BICRA: variants seen among roughly 807,000 people sequenced by gnomAD.
BICRA encodes BRD4-interacting chromatin-remodeling complex-associated protein.
BICRA carries 31 observed loss-of-function variants against 96.9 expected under a neutral mutation model. The observed-to-expected ratio is 0.32, with a 90% CI of 0.24 to 0.43. The LOEUF (loss-of-function observed/expected upper bound fraction) is 0.43, where lower values mean the gene tolerates loss of function less well. Ranked by LOEUF, BICRA falls within the 20% of genes least tolerant of loss-of-function variation. The pLI, the probability that BICRA is intolerant of heterozygous loss-of-function variation, is 1.00. For missense variants in BICRA, 2,283 were observed against 2,190.3 expected (o/e 1.04, Z -0.84); for synonymous variants, 1,350 against 1,071.8 (o/e 1.26, Z -5.07).
Position 47,682,156 on chromosome 19 carries a change from G to A in BICRA, c.2283+4G>A. The A allele has an allele frequency of 7.2e-7, 1 of 1,383,692 alleles. No homozygotes were observed. The highest frequency in any genetic ancestry group is 9.9e-7 in the Non-Finnish European group (1 of 1,012,216). 85.7% of individuals were successfully genotyped at this position (1,383,692 alleles called of 1,614,324 possible). A position where few individuals can be genotyped will look rare whatever the true frequency, so the allele number is the denominator to read the frequency against. On this transcript the variant is annotated splice_donor_region_variant and intron_variant, in intron 7 of 14. Coordinates refer to ENST00000594866, the MANE Select transcript of BICRA (RefSeq NM_001394372.1). ...TTCCCCGGCTCCGGCCCCCCAGGTAGAGGGACCCCAGCAGCCTGTGTCCGC... is the reference window on the plus strand; with the variant it reads ...TTCCCCGGCTCCGGCCCCCCAGGTAAAGGGACCCCAGCAGCCTGTGTCCGC...
In BICRA at chr19:47,675,336, C is replaced by T. The variant is rs1972924289; in HGVS notation, c.85-515C>T. The stretch of plus-strand genomic sequence containing the variant: ...CTGGGCACATATGTGGATGCCAGGG[C>T]CTGTTCTGGGCACTAAGGATGGTGC... On this transcript the variant is annotated intron_variant, in intron 4 of 14. Coordinates refer to ENST00000594866, the MANE Select transcript of BICRA (RefSeq NM_001394372.1). The surrounding 1 kb of genome is among the most constrained non-coding windows in gnomAD (Gnocchi z 4.7). Among the ~76,000 whole-genome samples, 1 of 152,182 alleles carries T rather than the reference C, an allele frequency of 6.6e-6. No homozygotes were observed. The highest frequency in any genetic ancestry group is 6.5e-5 in the Admixed American group (1 of 15,270).
At chr19:47,624,037 G>A (rs1325804648) in intron 1 of BICRA, among the ~76,000 whole-genome samples, 6 of 152,058 alleles carry the variant, frequency 3.9e-5, no homozygotes, top group East Asian at 1.9e-4. Flanking sequence ...TTTTAGTAGC[G>A]TCGGGGTTTC....
In BICRA at chr19:47,674,285, G is replaced by A. The variant is rs1372091922; in HGVS notation, c.84+523G>A. 4.0e-5 allele frequency among the ~76,000 whole-genome samples: 4 copies of A among 100,598 alleles called. No homozygotes were observed. In the East Asian group the frequency reaches 1.6e-3, roughly 40 times the overall value. 66.0% of individuals were successfully genotyped at this position (100,598 alleles called of 152,430 possible). A position where few individuals can be genotyped will look rare whatever the true frequency, so the allele number is the denominator to read the frequency against. On this transcript the variant is annotated intron_variant, in intron 4 of 14. Coordinates refer to ENST00000594866, the MANE Select transcript of BICRA (RefSeq NM_001394372.1). Reference sequence around the variant, plus strand: ...ACTGAAGGGAAAACTAGTAGGAGGTGAGACTGTAGTAGGTAAAAGTCACCA... The same window carrying A: ...ACTGAAGGGAAAACTAGTAGGAGGTAAGACTGTAGTAGGTAAAAGTCACCA...
rs778702110 is a variant in BICRA, at chr19:47,694,739, A to G, written c.2895+13A>G. ...GAGATTTCACCAGGTAACGGGAGGCAGGGACTGCCCGCCCCATCAGCCCCA... is the reference window on the plus strand; with the variant it reads ...GAGATTTCACCAGGTAACGGGAGGCGGGGACTGCCCGCCCCATCAGCCCCA... On this transcript the variant is annotated intron_variant, in intron 8 of 14. Transcript: ENST00000594866. 3 of 1,337,390 alleles carry G rather than the reference A, an allele frequency of 2.2e-6. No individual in the cohort carries two copies. The highest frequency in any genetic ancestry group is 2.1e-6 in the Non-Finnish European group (2 of 954,726). The allele number at this position is 1,337,390 out of a possible 1,614,324, so 82.8% of individuals were successfully genotyped here.
At chr19:47,623,730 C>T (rs867997107) in intron 1 of BICRA, among the ~76,000 whole-genome samples, 10 of 151,914 alleles carry the variant, frequency 6.6e-5, no homozygotes, top group Non-Finnish European at 1.3e-4. Flanking sequence ...GAGGAGGGAG[C>T]TTCTAGGGCA....
rs776439909 is a variant in BICRA, at chr19:47,680,754, C to T, written c.1584C>T (p.Pro528=). The T allele has an allele frequency of 5.5e-5, 88 of 1,608,934 alleles. No individual in the cohort carries two copies. Among genetic ancestry groups the T allele is most frequent in the Non-Finnish European group, 5.7e-5 (67 of 1,178,342 alleles). ...QNLAGPLSLG[P]VLAPHSGAHS... is the part of the protein sequence containing the mutation. ...TGGCGGGCCCACTGAGCCTGGGCCCCGTGTTGGCCCCCCACTCCGGGGCCC... is the reference window on the plus strand; with the variant it reads ...TGGCGGGCCCACTGAGCCTGGGCCCTGTGTTGGCCCCCCACTCCGGGGCCC... Residue 528 remains proline (P), a synonymous_variant, in exon 6 of 15, where the codon CCC becomes CCT. Transcript: ENST00000594866.
chr19:47,638,463 C>T (rs1176925021), intron 1 of BICRA, among the ~76,000 whole-genome samples: 2 of 152,086 alleles, frequency 1.3e-5, no homozygotes, highest in African/African-American at 2.4e-5. Context: ...TGACAAGTCT[C>T]CTCCCTCCCC....
intron 1 of BICRA, among the ~76,000 whole-genome samples, chr19:47,630,021 A>G (rs1972198093): frequency 6.6e-6 from 1 of 152,016 alleles, no homozygotes; most frequent in South Asian, 2.1e-4. Flanking sequence ...AATATTGTGT[A>G]ACTGTCACCA....
intron 1 of BICRA, among the ~76,000 whole-genome samples, chr19:47,609,644 G>A (rs974215859): frequency 6.6e-6 from 1 of 150,416 alleles, no homozygotes; most frequent in Non-Finnish European, 1.5e-5. Flanking sequence ...CCCTCGCCCC[G>A]CTCCCCGCCT....
At position 47,702,725 on chromosome 19, in the gene BICRA, G is replaced by A. The variant is rs1263279594; in HGVS notation, c.*310G>A. The A allele has an allele frequency of 5.0e-6, 2 of 401,616 alleles. No individual in the cohort carries two copies. The highest frequency in any genetic ancestry group is 2.1e-5 in the African/African-American group (1 of 46,794). The allele number at this position is 401,616 out of a possible 1,614,324, so 24.9% of individuals were successfully genotyped here. A position where few individuals can be genotyped will look rare whatever the true frequency, so the allele number is the denominator to read the frequency against. On this transcript the variant is annotated 3_prime_UTR_variant, in exon 15 of 15. Transcript: ENST00000594866. Reference sequence around the variant, plus strand: ...CTGCCCCTCTGTCCGGGGGACACGCGCATGTGTTTGCCAGGGATGGGGCCA... The same window carrying A: ...CTGCCCCTCTGTCCGGGGGACACGCACATGTGTTTGCCAGGGATGGGGCCA...
chr19:47,629,950 G>A (rs1336995395), intron 1 of BICRA, among the ~76,000 whole-genome samples: 1 of 151,870 alleles, frequency 6.6e-6, no homozygotes, highest in Admixed American at 6.6e-5. Flanking sequence ...CATGAGCCAC[G>A]GCGCCCGGCC....
intron 1 of BICRA, among the ~76,000 whole-genome samples, chr19:47,657,743 T>TC (rs1305941480): frequency 2.0e-5 from 3 of 152,136 alleles, no homozygotes; most frequent in African/African-American, 7.2e-5. Flanking sequence ...ACTTTTCACC[T>TC]CCCTTGAGTA....
chr19:47,637,070 A>C (rs1972310469), intron 1 of BICRA, among the ~76,000 whole-genome samples: 1 of 152,030 alleles, frequency 6.6e-6, no homozygotes, highest in Non-Finnish European at 1.5e-5. Context: ...TCTTCATAGC[A>C]CTTCATTTTT....
Position 47,699,379 on chromosome 19 carries a change from A to G in BICRA, c.3569A>G (p.Asp1190Gly), listed in dbSNP as rs1481476031. The G allele has an allele frequency of 3.2e-6, 5 of 1,564,494 alleles. No individual in the cohort carries two copies. Among genetic ancestry groups the G allele is most frequent in the Non-Finnish European group, 4.3e-6 (5 of 1,154,214 alleles). ...IQEEKTTLALDKQLAKEKPDE... is the reference protein window; with the variant it reads ...IQEEKTTLALGKQLAKEKPDE... ...GAGGAGAAGACCACCCTTGCCTTGG[A>G]TAAACAGCTGGCCAAGGAGAAGCCG... Residue 1190 changes from aspartate (D) to glycine (G), a missense_variant, in exon 14 of 15, where the codon GAT becomes GGT. Asp to Gly is a moderately conservative substitution (Grantham distance 94). Transcript: ENST00000594866. The surrounding 1 kb of genome is among the most constrained non-coding windows in gnomAD (Gnocchi z 5.0).
At chr19:47,686,103 G>T (rs921872757) in intron 7 of BICRA, among the ~76,000 whole-genome samples, 1 of 151,834 alleles carries the variant, frequency 6.6e-6, no homozygotes, top group Non-Finnish European at 1.5e-5. Context: ...GCTAATATTT[G>T]TATTTTTAGT....
intron 7 of BICRA, among the ~76,000 whole-genome samples, chr19:47,687,821 CA>C (rs5828311): frequency 5.6e-4 from 69 of 123,554 alleles, no homozygotes; most frequent in African/African-American, 1.1e-3. Context: ...GACTCTGCCT[CA>C]AAAAAAAAAA....
chr19:47,698,597 CT>C lies in BICRA; in HGVS notation c.3249-36del. 2 of 988,396 alleles carry C rather than the reference CT, an allele frequency of 2.0e-6. No homozygotes were observed. The highest frequency in any genetic ancestry group is 3.2e-6 in the Non-Finnish European group (2 of 619,042). 61.2% of individuals were successfully genotyped at this position (988,396 alleles called of 1,614,324 possible). A position where few individuals can be genotyped will look rare whatever the true frequency, so the allele number is the denominator to read the frequency against. On this transcript the variant is annotated intron_variant, in intron 11 of 14. Coordinates refer to ENST00000594866, the MANE Select transcript of BICRA (RefSeq NM_001394372.1). This position sits in a 1 kb window ranked among gnomAD's most constrained non-coding sequence, Gnocchi z 4.8. Reference sequence around the variant, plus strand: ...CTGGCCCTCACCCGTCCCCCCCACCCTCCGCCGTGTGTGGTCTCTCCCCTTT... The same window carrying C: ...CTGGCCCTCACCCGTCCCCCCCACCCCCGCCGTGTGTGGTCTCTCCCCTTT...
At chr19:47,655,354 TGG>T (rs1321898361) in intron 1 of BICRA, among the ~76,000 whole-genome samples, 7 of 133,080 alleles carry the variant, frequency 5.3e-5, no homozygotes, top group East Asian at 4.7e-4. Context: ...GGTGAAACCC[TGG>T]GTCTACTAAA....
rs1380118199 is a variant in BICRA, at chr19:47,680,639, C to T, written c.1469C>T (p.Pro490Leu). ...VQLPQQLSAL[P>L]ANVGGQILAA... ...CTCCCGCAGCAGCTCTCAGCCCTGC[C>T]GGCCAACGTGGGCGGGCAGATCCTG... Residue 490 changes from proline to leucine, a missense_variant, in exon 6 of 15, where the codon CCG (proline) becomes CTG (leucine). Transcript: ENST00000594866. 6.2e-7 allele frequency: 1 copy of T among 1,609,676 alleles called. No individual in the cohort carries two copies. The highest frequency in any genetic ancestry group is 2.2e-5 in the East Asian group (1 of 44,758).
Sources: allele counts gnomAD v4.1 joint callset (sites outside exome capture counted in the v4.1 genomes callset), GRCh38; gene constraint gnomAD v4.1.1; non-coding constraint Gnocchi (gnomAD v3.1); transcripts MANE v1.5; gene names NCBI Gene and HGNC (gene_info 2026-07-23, HGNC 2026-07-21).